TSPEAR: variants seen among roughly 807,000 people sequenced by gnomAD.
TSPEAR encodes the protein thrombospondin type laminin G domain and EAR repeats.
A neutral mutation model predicts 71.6 loss-of-function variants in TSPEAR; 69 were observed. That is an observed-to-expected ratio of 0.96 (90% CI 0.79 to 1.18). TSPEAR has a LOEUF of 1.18. TSPEAR is among the 50% of genes most tolerant of loss of function. TSPEAR has a pLI of 0.00. For synonymous variants in TSPEAR, 402 were observed against 387.2 expected (o/e 1.04, Z -0.45); for missense variants, 971 against 894.9 (o/e 1.09, Z -1.09).
At chr21:44,517,623 T>TGTGC (rs1336751292) in intron 9 of TSPEAR, 4 of 386,188 alleles carry the variant, frequency 1.0e-5, no homozygotes, top group South Asian at 7.6e-5. Context: ...TCCCACCGTG[T>TGTGC]GTGCTCCTTG....
At chr21:44,678,980 G>A (rs1196944262) in intron 1 of TSPEAR, among the ~76,000 whole-genome samples, 2 of 152,102 alleles carry the variant, frequency 1.3e-5, no homozygotes, top group Non-Finnish European at 2.9e-5. Context: ...CCTTGTATAA[G>A]AGCACATACT....
rs1462413761 is a variant in TSPEAR, at chr21:44,506,470, G to A, written c.1755-1589C>T. ...CTTCCCTGCAGGCAGTTGTGGGGCC[G>A]GCCTGCAGCAGGGGCTCAGACAGGG... On this transcript the variant is annotated intron_variant, in intron 10 of 11. Coordinates refer to ENST00000323084, the MANE Select transcript of TSPEAR (RefSeq NM_144991.3). This position sits in a 1 kb window ranked among gnomAD's most constrained non-coding sequence, Gnocchi z 4.2. 7.9e-5 allele frequency among the ~76,000 whole-genome samples: 12 copies of A among 152,366 alleles called. No individual in the cohort carries two copies. The highest frequency in any genetic ancestry group is 1.9e-4 in the East Asian group (1 of 5,182).
Position 44,528,443 on chromosome 21 carries a change from C to A in TSPEAR, c.922+9G>T, listed in dbSNP as rs781968916. On this transcript the variant is annotated intron_variant, in intron 6 of 11. Transcript: ENST00000323084. Reference sequence around the variant, plus strand: ...GCATGCCAACGCCCCGGGTGCAGGGCTGCCTCACCTGCTAACACGGAGACC... The same window carrying A: ...GCATGCCAACGCCCCGGGTGCAGGGATGCCTCACCTGCTAACACGGAGACC... The A allele has an allele frequency of 5.0e-6, 8 of 1,613,702 alleles. No homozygotes were observed. Among genetic ancestry groups the A allele is most frequent in the Non-Finnish European group, 6.8e-6 (8 of 1,179,946 alleles).
Position 44,658,215 on chromosome 21 carries a change from C to CCTGCACCACTGCCCT in TSPEAR, c.82+53203_82+53217dup, listed in dbSNP as rs782802680. 1.1e-5 allele frequency: 17 copies of CCTGCACCACTGCCCT among 1,614,070 alleles called. No individual in the cohort carries two copies. The African/African-American group carries it at 2.3e-4, about 22-fold the overall frequency. On this transcript the variant is annotated intron_variant, in intron 1 of 11. Transcript: ENST00000323084. Reference sequence around the variant, plus strand: ...CAATCTTCGGGGTGCTGCCAGCCCCCCTGCACCACTGCCCTCTGCAGACCC... The same window carrying CCTGCACCACTGCCCT: ...CAATCTTCGGGGTGCTGCCAGCCCCCCTGCACCACTGCCCTCTGCACCACTGCCCTCTGCAGACCC...
chr21:44,625,687 G>A (rs930358087), intron 1 of TSPEAR, among the ~76,000 whole-genome samples: 2 of 152,210 alleles, frequency 1.3e-5, no homozygotes, highest in Non-Finnish European at 2.9e-5. Flanking sequence ...TCCCTGTTTT[G>A]GGCTCTAATT....
intron 1 of TSPEAR, among the ~76,000 whole-genome samples, chr21:44,688,210 T>C (rs1366929792): frequency 2.0e-5 from 3 of 146,860 alleles, no homozygotes; most frequent in Non-Finnish European, 4.5e-5. Flanking sequence ...TGCAGAGAAT[T>C]GGGGTACCCA....
chr21:44,634,619 C>T (rs1983437428), intron 1 of TSPEAR, among the ~76,000 whole-genome samples: 1 of 152,112 alleles, frequency 6.6e-6, no homozygotes, highest in East Asian at 1.9e-4. Flanking sequence ...ATATAAAGAA[C>T]TCTTATAATT....
At chr21:44,689,560 C>T (rs1987021626) in intron 1 of TSPEAR, among the ~76,000 whole-genome samples, 2 of 149,910 alleles carry the variant, frequency 1.3e-5, no homozygotes, top group African/African-American at 4.9e-5. Flanking sequence ...GTTACATCTA[C>T]CAAACAAGGA....
chr21:44,658,424 T>G (rs1985298271), intron 1 of TSPEAR: 2 of 639,750 alleles, frequency 3.1e-6, no homozygotes, highest in Non-Finnish European at 2.4e-6. Context: ...GATTCAGACC[T>G]TCCATGACCC....
chr21:44,499,613 G>A lies in TSPEAR; in HGVS notation c.*170C>T. ...GGCTCAGAAGGACTCAGAGGTGGAT[G>A]GATGTCCCTGCCCGAACCAGGGCCG... is the stretch of plus-strand genomic sequence containing the variant. On this transcript the variant is annotated 3_prime_UTR_variant, in exon 12 of 12. Transcript: ENST00000323084. The A allele has an allele frequency of 1.6e-6, 1 of 624,894 alleles. No individual in the cohort carries two copies. The highest frequency in any genetic ancestry group is 2.6e-6 in the Non-Finnish European group (1 of 379,186). 38.7% of individuals were successfully genotyped at this position (624,894 alleles called of 1,614,324 possible). A position where few individuals can be genotyped will look rare whatever the true frequency, so the allele number is the denominator to read the frequency against.
At chr21:44,602,739 C>A (rs1350740802) in intron 1 of TSPEAR, among the ~76,000 whole-genome samples, 1 of 152,210 alleles carries the variant, frequency 6.6e-6, no homozygotes, top group Non-Finnish European at 1.5e-5. Context: ...GCACACGCAG[C>A]GTCCCAGCTG....
In TSPEAR at chr21:44,642,999, G is replaced by A. The variant is rs782725057; in HGVS notation, c.82+68434C>T. 5.3e-5 allele frequency among the ~76,000 whole-genome samples: 8 copies of A among 152,150 alleles called. No homozygotes were observed. The highest frequency in any genetic ancestry group is 1.9e-4 in the East Asian group (1 of 5,204). On this transcript the variant is annotated intron_variant, in intron 1 of 11. Coordinates refer to ENST00000323084, the MANE Select transcript of TSPEAR (RefSeq NM_144991.3). The surrounding 1 kb of genome is among the most constrained non-coding windows in gnomAD (Gnocchi z 4.1). ...GCACTATTCACAACAGCAAAGATAC[G>A]GAAGCAACATAAGTGATCATCAACA... is the stretch of plus-strand genomic sequence containing the variant.
At chr21:44,697,048 GCCCA>G in intron 1 of TSPEAR, 2 of 866,614 alleles carry the variant, frequency 2.3e-6, no homozygotes, top group Non-Finnish European at 1.5e-6. Context: ...CCTCCCTCCT[GCCCA>G]TCCAGCACCC....
At chr21:44,544,091 A>G (rs1490434010) in intron 2 of TSPEAR, among the ~76,000 whole-genome samples, 2 of 152,214 alleles carry the variant, frequency 1.3e-5, no homozygotes, top group Admixed American at 6.5e-5. Context: ...TACTTTAGTC[A>G]ACACAGCTGT....
At chr21:44,611,629 C>G (rs1555930946) in intron 1 of TSPEAR, among the ~76,000 whole-genome samples, 1 of 152,156 alleles carries the variant, frequency 6.6e-6, no homozygotes. Flanking sequence ...GCATTCCTAG[C>G]CGAGACACCC....
At chr21:44,601,898 C>A in intron 1 of TSPEAR, 1 of 1,016,464 alleles carries the variant, frequency 9.8e-7, no homozygotes, top group Non-Finnish European at 1.4e-6. Flanking sequence ...AGCAGCTCAG[C>A]TGTTTCTCCA....
chr21:44,585,291 C>T (rs1555925558), intron 1 of TSPEAR, among the ~76,000 whole-genome samples: 1 of 152,198 alleles, frequency 6.6e-6, no homozygotes. Flanking sequence ...ATTTGCATAA[C>T]TTTAATCTTC....
intron 1 of TSPEAR, chr21:44,627,785 C>A (rs1982951327): frequency 6.3e-7 from 1 of 1,599,600 alleles, no homozygotes; most frequent in Admixed American, 1.7e-5. Flanking sequence ...TGCTCTGGGG[C>A]TTCCTCTTTG....
intron 1 of TSPEAR, among the ~76,000 whole-genome samples, chr21:44,650,218 A>C (rs1984695471): frequency 6.6e-6 from 1 of 152,016 alleles, no homozygotes; most frequent in Non-Finnish European, 1.5e-5. Context: ...CCTCTCCAAA[A>C]AAAAAAAAGA....
Sources: allele counts gnomAD v4.1 joint callset (sites outside exome capture counted in the v4.1 genomes callset), GRCh38; gene constraint gnomAD v4.1.1; non-coding constraint Gnocchi (gnomAD v3.1); transcripts MANE v1.5; gene names NCBI Gene and HGNC (gene_info 2026-07-23, HGNC 2026-07-21).